The following GATA6 variants were observed in gnomAD, a reference collection of about 807,000 sequenced individuals.
GATA6 encodes the protein GATA binding protein 6.
A neutral mutation model predicts 48.1 loss-of-function variants in GATA6; 11 were observed. The observed-to-expected ratio is 0.23, with a 90% CI of 0.14 to 0.38. GATA6 has a LOEUF of 0.38. Ranked by LOEUF, GATA6 falls within the 10% of genes least tolerant of loss-of-function variation. The probability of loss-of-function intolerance (pLI) is 1.00; values close to 1 mark genes in which losing one functional copy is unlikely to be tolerated. For synonymous variants in GATA6, 419 were observed against 396.1 expected (o/e 1.06, Z -0.69); for missense variants, 795 against 850.3 (o/e 0.93, Z 0.81).
rs1441023437 is a variant in GATA6 at position 22,200,657 on chromosome 18, C to T, written c.1622C>T (p.Ala541Val). 8 of 1,614,244 alleles carry T rather than the reference C, an allele frequency of 5.0e-6. No homozygotes were observed. The highest frequency in any genetic ancestry group is 4.0e-5 in the African/African-American group (3 of 75,066). The stretch of plus-strand genomic sequence containing the variant: ...CTCTGTGTCCCCCTCTTCTGCCAGG[C>T]GGGTGCCCCGGTGATGACTGGTGCG... ...SPTTQPTASG[A>V]GAPVMTGAGE... Residue 541 changes from alanine to valine, a missense_variant and splice_region_variant, in exon 7 of 7, where the codon GCG becomes GTG. Around this residue, in one of 5 missense-constraint regions of GATA6, gnomAD observed 103 missense variants for 103.7 expected, o/e 0.99. Transcript: ENST00000269216.
At position 22,185,448 on chromosome 18, in the gene GATA6, C is replaced by T. The variant is rs950750866; in HGVS notation, c.1620+2405C>T. Among the ~76,000 whole-genome samples, 1 of 152,214 alleles carries T rather than the reference C, an allele frequency of 6.6e-6. No homozygotes were observed. The highest frequency in any genetic ancestry group is 2.4e-5 in the African/African-American group (1 of 41,454). On this transcript the variant is annotated intron_variant, in intron 6 of 6. Coordinates refer to ENST00000269216, the MANE Select transcript of GATA6 (RefSeq NM_005257.6). This position sits in a 1 kb window ranked among gnomAD's most constrained non-coding sequence, Gnocchi z 4.3. ...GGGAGTGGCTGGTGTGAGCTGCAGC[C>T]AGGGGGCATCTCTCCGAGCTCTCCA...
intron 6 of GATA6, among the ~76,000 whole-genome samples, chr18:22,196,801 A>C (rs533344454): frequency 3.0e-4 from 46 of 152,216 alleles, no homozygotes; most frequent in Non-Finnish European, 6.0e-4. Context: ...TGGCTACAGA[A>C]CACTTTGATT....
Position 22,172,126 on chromosome 18 carries a change from C to T in GATA6, c.982C>T (p.His328Tyr). ...GAACGGGACGTACCACCACCACCACCACCACCACCACCACCATCCGAGCCC... is the reference window on the plus strand; with the variant it reads ...GAACGGGACGTACCACCACCACCACTACCACCACCACCACCATCCGAGCCC... The part of the protein sequence containing the change: ...PLNGTYHHHH[H>Y]HHHHHPSPYS... The change falls in exon 2 of 7, where the codon CAC becomes TAC. Residue 328 changes from histidine to tyrosine, a missense_variant. Physicochemically the swap from His to Tyr is moderately conservative, Grantham distance 83 (BLOSUM62 2). Around this residue, in one of 5 missense-constraint regions of GATA6, gnomAD observed 591 missense variants for 570.0 expected, o/e 1.04. Coordinates refer to ENST00000269216, the MANE Select transcript of GATA6 (RefSeq NM_005257.6). This position sits in a 1 kb window ranked among gnomAD's most constrained non-coding sequence, Gnocchi z 5.2. The T allele has an allele frequency of 6.6e-7, 1 of 1,520,008 alleles. No individual in the cohort carries two copies. The highest frequency in any genetic ancestry group is 2.5e-5 in the East Asian group (1 of 40,378). 94.2% of individuals were successfully genotyped at this position (1,520,008 alleles called of 1,614,324 possible). A position where few individuals can be genotyped will look rare whatever the true frequency, so the allele number is the denominator to read the frequency against.
intron 6 of GATA6, among the ~76,000 whole-genome samples, chr18:22,197,439 C>T (rs1568009125): frequency 6.6e-6 from 1 of 152,192 alleles, no homozygotes; most frequent in Non-Finnish European, 1.5e-5. Flanking sequence ...GCACACAAAG[C>T]TGTATGTCAG....
chr18:22,176,888 G>C, intron 2 of GATA6, 67 bp from the exon 3 acceptor site: 1 of 1,491,018 alleles, frequency 6.7e-7, no homozygotes, highest in Non-Finnish European at 8.9e-7. Context: ...CGGGGTCCCC[G>C]GGGTGACGCG....
In GATA6 at chr18:22,181,382, C is replaced by CT; in HGVS notation, c.1303-69dup. The CT allele has an allele frequency of 4.6e-6, 7 of 1,510,456 alleles. No individual in the cohort carries two copies. In the Middle Eastern group the frequency reaches 1.2e-3, roughly 259 times the overall value. 93.6% of individuals were successfully genotyped at this position (1,510,456 alleles called of 1,614,324 possible). A position where few individuals can be genotyped will look rare whatever the true frequency, so the allele number is the denominator to read the frequency against. Reference sequence around the variant, plus strand: ...CTTGTTGATGACAGGGACAAAATACCTTAATGTATGTATGTAATATATATA... The same window carrying CT: ...CTTGTTGATGACAGGGACAAAATACCTTTAATGTATGTATGTAATATATATA... On this transcript the variant is annotated intron_variant, in intron 3 of 6. Transcript: ENST00000269216.
Position 22,171,994 on chromosome 18 carries a change from G to A in GATA6, c.850G>A (p.Ala284Thr). Residue 284 changes from alanine to threonine, a missense_variant, in exon 2 of 7, where the codon GCG (alanine) becomes ACG (threonine). By Grantham distance (58) the Ala-to-Thr change is moderately conservative. Around this residue, in one of 5 missense-constraint regions of GATA6, gnomAD observed 591 missense variants for 570.0 expected, o/e 1.04. Transcript: ENST00000269216. This position sits in a 1 kb window ranked among gnomAD's most constrained non-coding sequence, Gnocchi z 7.1. ...CGCGCGGGAGCCGGGAGGCTACGCG[G>A]CGGCGGGCAGTGGGGGCGCGGGAGG... is the stretch of plus-strand genomic sequence containing the variant. ...GAAREPGGYA[A>T]AGSGGAGGVS... 8.1e-7 allele frequency: 1 copy of A among 1,228,144 alleles called. No individual in the cohort carries two copies. The allele number at this position is 1,228,144 out of a possible 1,614,324, so 76.1% of individuals were successfully genotyped here.
In GATA6 at chr18:22,177,944, GTTTTTTTGTTTTTTT is replaced by G. The variant is rs1324172458; in HGVS notation, c.1302+831_1302+845del. On this transcript the variant is annotated intron_variant, in intron 3 of 6. Transcript: ENST00000269216. ...TTCCCCAATTCGCACACGTTTTACT[GTTTTTTTGTTTTTTT>G]TTTTTTTTTTTTTTTTTTTGAGACG... is the stretch of plus-strand genomic sequence containing the variant. Among the ~76,000 whole-genome samples the G allele has an allele frequency of 3.1e-4, 24 of 77,864 alleles. 2 individuals are homozygous for G. Among genetic ancestry groups the G allele is most frequent in the African/African-American group, 1.5e-3 (24 of 15,886 alleles). 51.1% of individuals were successfully genotyped at this position (77,864 alleles called of 152,430 possible).
intron 3 of GATA6, chr18:22,180,050 A>G (rs894236028): frequency 6.6e-6 from 1 of 151,832 alleles, no homozygotes; most frequent in Non-Finnish European, 1.5e-5. Flanking sequence ...ATTGATCTTA[A>G]CTTCCCAAAT....
chr18:22,191,557 C>T (rs2033328647), intron 6 of GATA6, among the ~76,000 whole-genome samples: 2 of 152,084 alleles, frequency 1.3e-5, no homozygotes, highest in African/African-American at 4.8e-5. Flanking sequence ...GGGTGTCTGC[C>T]AGAAGAGTTA....
At chr18:22,197,795 T>A (rs992371636) in intron 6 of GATA6, among the ~76,000 whole-genome samples, 1 of 143,394 alleles carries the variant, frequency 7.0e-6, no homozygotes, top group Non-Finnish European at 1.5e-5. Context: ...CTGCTTCCCC[T>A]CCTTCTCATA....
rs1043019891 is a variant in GATA6, at chr18:22,201,945, GTT to G, written c.*1125_*1126del. ...TCCTATGGAAACCTATTTCACCAGA[GTT>G]TTAAAAATAAAAAGGGTATTGTTTT... On this transcript the variant is annotated 3_prime_UTR_variant, in exon 7 of 7. Transcript: ENST00000269216. The G allele has an allele frequency of 1.3e-4, 20 of 152,224 alleles. No homozygotes were observed. The highest frequency in any genetic ancestry group is 7.2e-4 in the Admixed American group (11 of 15,282). 9.4% of individuals were successfully genotyped at this position (152,224 alleles called of 1,614,324 possible).
intron 2 of GATA6, among the ~76,000 whole-genome samples, chr18:22,175,788 A>G (rs1912682318): frequency 6.6e-6 from 1 of 152,254 alleles, no homozygotes; most frequent in Admixed American, 6.5e-5. Flanking sequence ...CAAAAGGTTC[A>G]CCAGCACATA....
chr18:22,200,123 G>C (rs1180586294), intron 6 of GATA6, among the ~76,000 whole-genome samples: 1 of 152,060 alleles, frequency 6.6e-6, no homozygotes, highest in Non-Finnish European at 1.5e-5. Context: ...GAACTGTGCA[G>C]CTTTTCTAAA....
At position 22,171,291 on chromosome 18, in the gene GATA6, C is replaced by T. The variant is rs777584552; in HGVS notation, c.147C>T (p.Gly49=). 2 of 1,593,606 alleles carry T rather than the reference C, an allele frequency of 1.3e-6. No homozygotes were observed. Among genetic ancestry groups the T allele is most frequent in the Non-Finnish European group, 1.7e-6 (2 of 1,176,090 alleles). ...ISSSSSSCSR[G]GERGPGGASN... is the part of the protein sequence containing the mutation. ...CCTCGTCCTCCTCCTGCTCCCGGGG[C>T]GGAGAGCGGGGCCCCGGCGGCGCCA... The change falls in exon 2 of 7, where the codon GGC becomes GGT. Residue 49 remains glycine (G), a synonymous_variant. Coordinates refer to ENST00000269216, the MANE Select transcript of GATA6 (RefSeq NM_005257.6). This position sits in a 1 kb window ranked among gnomAD's most constrained non-coding sequence, Gnocchi z 7.1.
At chr18:22,189,070 C>T (rs889837939) in intron 6 of GATA6, among the ~76,000 whole-genome samples, 4 of 152,166 alleles carry the variant, frequency 2.6e-5, no homozygotes, top group Admixed American at 2.0e-4. Context: ...GCCTTAACCA[C>T]TCTTTTGGTC....
In GATA6 at chr18:22,170,436, G is replaced by A. The variant is rs572151821; in HGVS notation, c.-37-672G>A. 3.3e-5 allele frequency among the ~76,000 whole-genome samples: 5 copies of A among 152,154 alleles called. No homozygotes were observed. The highest frequency in any genetic ancestry group is 2.1e-4 in the South Asian group (1 of 4,834). On this transcript the variant is annotated intron_variant, in intron 1 of 6. Transcript: ENST00000269216. This position sits in a 1 kb window ranked among gnomAD's most constrained non-coding sequence, Gnocchi z 6.7. ...TCTCCGCATTGCCTCTGCTGGGAAG[G>A]ACCCAGACTGCTGCCCCCGCCCTGG...
At position 22,201,062 on chromosome 18, in the gene GATA6, C is replaced by T. The variant is rs1011547307; in HGVS notation, c.*239C>T. On this transcript the variant is annotated 3_prime_UTR_variant, in exon 7 of 7. Coordinates refer to ENST00000269216, the MANE Select transcript of GATA6 (RefSeq NM_005257.6). ...CAGCCAGCCCGCCTCCGGGGCGGACCCTGCTCCACTTCCAGAAGCCAGGAC... is the reference window on the plus strand; with the variant it reads ...CAGCCAGCCCGCCTCCGGGGCGGACTCTGCTCCACTTCCAGAAGCCAGGAC... The T allele has an allele frequency of 1.7e-5, 10 of 581,218 alleles. No individual in the cohort carries two copies. In the East Asian group the frequency reaches 2.6e-4, roughly 15 times the overall value. The allele number at this position is 581,218 out of a possible 1,614,324, so 36.0% of individuals were successfully genotyped here. A position where few individuals can be genotyped will look rare whatever the true frequency, so the allele number is the denominator to read the frequency against.
intron 6 of GATA6, among the ~76,000 whole-genome samples, chr18:22,197,418 T>C (rs1426744202): frequency 6.6e-6 from 1 of 152,208 alleles, no homozygotes; most frequent in East Asian, 1.9e-4. Flanking sequence ...TTTATAGGTG[T>C]GGAAACTGAG....
Sources: gnomAD v4.1 joint callset for allele counts (sites outside exome capture counted in the v4.1 genomes callset) on GRCh38, gnomAD v4.1.1 for gene constraint, gnomAD v4.1.1 regional missense constraint, Gnocchi (gnomAD v3.1) non-coding constraint, MANE v1.5 for transcripts, NCBI Gene and HGNC (gene_info 2026-07-23, HGNC 2026-07-21) for gene names.